The following GLI2 variants were observed in gnomAD, a reference collection of about 807,000 sequenced individuals.
The protein encoded by GLI2 is transcription activator GLI2.
GLI2 carries 22 observed loss-of-function variants against 78.9 expected under a neutral mutation model. That is an observed-to-expected ratio of 0.28 (90% CI 0.20 to 0.40). GLI2 has a LOEUF of 0.40. Ranked by LOEUF, GLI2 falls within the 10% of genes least tolerant of loss-of-function variation. The pLI, the probability that GLI2 is intolerant of heterozygous loss-of-function variation, is 1.00. For missense variants in GLI2, 2,097 were observed against 2,213.2 expected (o/e 0.95, Z 1.05); for synonymous variants, 974 against 963.7 (o/e 1.01, Z -0.20).
chr2:120,743,736 C>G (rs1053142941), intron 1 of GLI2, among the ~76,000 whole-genome samples: 1 of 152,224 alleles, frequency 6.6e-6, no homozygotes, highest in Admixed American at 6.5e-5. Flanking sequence ...CAAGTTGCTT[C>G]GCCTATCTCT....
chr2:120,920,900 G>GAA lies in GLI2; in HGVS notation c.149-6447_149-6446dup, dbSNP rs11439015. Reference sequence around the variant, plus strand: ...TAATTTTGGATTTTTTCTTTTACTTGAAAAAAAAAAAAAAACACAAAAGCC... The same window carrying GAA: ...TAATTTTGGATTTTTTCTTTTACTTGAAAAAAAAAAAAAAAAACACAAAAGCC... On this transcript the variant is annotated intron_variant, in intron 2 of 13. Transcript: ENST00000361492. Among the ~76,000 whole-genome samples, 798 of 139,994 alleles carry GAA rather than the reference G, an allele frequency of 5.7e-3. 9 individuals carry two copies. The East Asian group carries it at 0.067, about 12-fold the overall frequency. The allele number at this position is 139,994 out of a possible 152,430, so 91.8% of individuals were successfully genotyped here. A position where few individuals can be genotyped will look rare whatever the true frequency, so the allele number is the denominator to read the frequency against.
At chr2:120,924,633 G>A (rs1239424693) in intron 2 of GLI2, among the ~76,000 whole-genome samples, 2 of 152,060 alleles carry the variant, frequency 1.3e-5, no homozygotes, top group African/African-American at 4.8e-5. Flanking sequence ...TGTTTTTAAG[G>A]CCCTTTTCTA....
chr2:120,905,383 GGCCAGCGTGCCGACTTCCA>G (rs1331348094), intron 2 of GLI2, among the ~76,000 whole-genome samples: 2 of 152,176 alleles, frequency 1.3e-5, no homozygotes, highest in Non-Finnish European at 2.9e-5. Flanking sequence ...CTACCAGAGG[GGCCAGCGTGCCGACTTCCA>G]GCCAGCCAGG....
chr2:120,939,240 C>A (rs1422169080), intron 3 of GLI2, among the ~76,000 whole-genome samples: 1 of 152,074 alleles, frequency 6.6e-6, no homozygotes, highest in Non-Finnish European at 1.5e-5. Context: ...TGAGATGGCG[C>A]CATTGCACTC....
chr2:120,769,661 G>A (rs987532784), intron 1 of GLI2, among the ~76,000 whole-genome samples: 1 of 152,196 alleles, frequency 6.6e-6, no homozygotes, highest in Non-Finnish European at 1.5e-5. Context: ...TGTGCTGTGC[G>A]GCTGTGTGAG....
intron 2 of GLI2, among the ~76,000 whole-genome samples, chr2:120,811,932 G>A (rs1436446682): frequency 2.0e-5 from 3 of 151,994 alleles, no homozygotes; most frequent in African/African-American, 4.8e-5. Flanking sequence ...TAGTCCCTGG[G>A]TGGCAGCAGC....
At chr2:120,961,732 A>G (rs540926488) in intron 5 of GLI2, among the ~76,000 whole-genome samples, 1 of 152,274 alleles carries the variant, frequency 6.6e-6, no homozygotes, top group African/African-American at 2.4e-5. Flanking sequence ...GCCAGAAAAT[A>G]TCTGGGTGAG....
intron 13 of GLI2, among the ~76,000 whole-genome samples, chr2:120,986,898 C>T (rs988156816): frequency 2.6e-5 from 4 of 152,256 alleles, no homozygotes; most frequent in Non-Finnish European, 5.9e-5. Context: ...TCTTCCTCAC[C>T]CATTCATTCC....
chr2:120,987,231 G>A (rs572526944), intron 13 of GLI2, among the ~76,000 whole-genome samples: 1 of 152,194 alleles, frequency 6.6e-6, no homozygotes. Context: ...CTGTGCCTAG[G>A]ATTGTGCCGG....
intron 1 of GLI2, among the ~76,000 whole-genome samples, chr2:120,772,471 A>G (rs1235815232): frequency 6.6e-6 from 1 of 152,170 alleles, no homozygotes; most frequent in African/African-American, 2.4e-5. Context: ...CAGGGAGCAC[A>G]CCAGCATCAT....
intron 13 of GLI2, among the ~76,000 whole-genome samples, chr2:120,987,382 C>T (rs1036107633): frequency 6.6e-6 from 1 of 152,172 alleles, no homozygotes; most frequent in African/African-American, 2.4e-5. Context: ...CAGACAGATG[C>T]CCCACCCAAG....
intron 3 of GLI2, among the ~76,000 whole-genome samples, chr2:120,947,425 G>T (rs1178704659): frequency 6.6e-6 from 1 of 152,234 alleles, no homozygotes; most frequent in African/African-American, 2.4e-5. Context: ...CACACAGTCA[G>T]CCCTACCCTG....
chr2:120,961,025 C>T (rs1273394370), intron 5 of GLI2, among the ~76,000 whole-genome samples: 1 of 152,164 alleles, frequency 6.6e-6, no homozygotes, highest in Non-Finnish European at 1.5e-5. Context: ...CTGGTTGTCA[C>T]CCGGGCCCTA....
At chr2:120,826,433 C>T (rs1383811627) in intron 2 of GLI2, among the ~76,000 whole-genome samples, 2 of 152,190 alleles carry the variant, frequency 1.3e-5, no homozygotes, top group African/African-American at 4.8e-5. Flanking sequence ...CAGCCCCCTC[C>T]CTCTGCTGCT....
rs983597536 is a variant in GLI2, at chr2:120,775,532, C to T, written c.-30-21759C>T. On this transcript the variant is annotated intron_variant, in intron 1 of 13. Coordinates refer to ENST00000361492, the MANE Select transcript of GLI2 (RefSeq NM_001374353.1). Reference sequence around the variant, plus strand: ...TGAAAGAGCCCCCCAGTGCCTGCCTCGGGGTGGAGGCATTTTGCTCCCCCA... The same window carrying T: ...TGAAAGAGCCCCCCAGTGCCTGCCTTGGGGTGGAGGCATTTTGCTCCCCCA... Among the ~76,000 whole-genome samples, 10 of 152,240 alleles carry T rather than the reference C, an allele frequency of 6.6e-5. No individual in the cohort carries two copies. The East Asian group carries it at 9.7e-4, about 15-fold the overall frequency.
chr2:120,876,612 C>T (rs906624484), intron 2 of GLI2, among the ~76,000 whole-genome samples: 1 of 151,882 alleles, frequency 6.6e-6, no homozygotes, highest in African/African-American at 2.4e-5. Flanking sequence ...AGGAGGGGGA[C>T]TTTTCTTGCA....
intron 2 of GLI2, among the ~76,000 whole-genome samples, chr2:120,901,675 T>G (rs1678264573): frequency 6.6e-6 from 1 of 152,228 alleles, no homozygotes; most frequent in African/African-American, 2.4e-5. Flanking sequence ...TAAAGAATGA[T>G]TCTGGACTGA....
chr2:120,987,550 G>A (rs969502013), intron 13 of GLI2, among the ~76,000 whole-genome samples: 10 of 152,204 alleles, frequency 6.6e-5, no homozygotes, highest in Non-Finnish European at 8.8e-5. Context: ...CTGGGCTCAC[G>A]TCTCCTCTGC....
Position 120,805,682 on chromosome 2 carries a change from G to A in GLI2, c.148+8214G>A, listed in dbSNP as rs914749526. ...TCCGCAGGAACATTCCATCACATGG[G>A]ACACAGCTGTCCCTCAACCTGGCCC... On this transcript the variant is annotated intron_variant, in intron 2 of 13. Coordinates refer to ENST00000361492, the MANE Select transcript of GLI2 (RefSeq NM_001374353.1). 2.1e-5 allele frequency among the ~76,000 whole-genome samples: 3 copies of A among 145,848 alleles called. No individual in the cohort carries two copies. The East Asian group carries it at 5.8e-4, about 28-fold the overall frequency.
Sources: allele counts gnomAD v4.1 joint callset (sites outside exome capture counted in the v4.1 genomes callset), GRCh38; gene constraint gnomAD v4.1.1; transcripts MANE v1.5; gene names NCBI Gene and HGNC (gene_info 2026-07-23, HGNC 2026-07-21).